Variants in RBFOX1 observed in about 807,000 individuals in gnomAD.
The protein encoded by RBFOX1 is RNA binding protein fox-1 homolog 1.
In RBFOX1, 8 loss-of-function variants were observed where a neutral mutation model predicts 57.7. That is an observed-to-expected ratio of 0.14 (90% CI 0.08 to 0.25). RBFOX1 has a LOEUF of 0.25. Among genes scored for constraint, RBFOX1 ranks in the 10% least tolerant of loss-of-function variants. RBFOX1 has a pLI of 1.00. For missense variants in RBFOX1, 611 were observed against 548.5 expected (o/e 1.11, Z -1.14); for synonymous variants, 326 against 222.4 (o/e 1.47, Z -4.15).
chr16:5,937,030 C>T (rs1243126370), intron 4 of RBFOX1, among the ~76,000 whole-genome samples: 2 of 152,162 alleles, frequency 1.3e-5, no homozygotes, highest in Non-Finnish European at 2.9e-5. Flanking sequence ...TTAGTTTTCT[C>T]ATCTGTCAAA....
At chr16:7,172,219 T>C (rs1406734181) in intron 4 of RBFOX1, among the ~76,000 whole-genome samples, 1 of 152,166 alleles carries the variant, frequency 6.6e-6, no homozygotes, top group Non-Finnish European at 1.5e-5. Context: ...TTATATTACC[T>C]AAAATCCACA....
At position 6,658,945 on chromosome 16, in the gene RBFOX1, G is replaced by GTTTTTTTTTTTTT. The variant is rs778640073; in HGVS notation, c.-16+4306_-16+4307insTTTTTTTTTTTTT. ...GTTTTTTGGTTTTTTTGTTTTTTTT[G>GTTTTTTTTTTTTT]TTTTTTTTTTTCCTCCTGCAGGTGA... On this transcript the variant is annotated intron_variant, in intron 3 of 15. Coordinates refer to ENST00000550418, the MANE Select transcript of RBFOX1 (RefSeq NM_018723.4). Among the ~76,000 whole-genome samples, 5 of 139,444 alleles carry GTTTTTTTTTTTTT rather than the reference G, an allele frequency of 3.6e-5. 1 individual carries two copies. The highest frequency in any genetic ancestry group is 7.8e-5 in the Non-Finnish European group (5 of 64,168). The allele number at this position is 139,444 out of a possible 152,430, so 91.5% of individuals were successfully genotyped here.
intron 3 of RBFOX1, among the ~76,000 whole-genome samples, chr16:6,678,921 G>C (rs1450240778): frequency 6.6e-6 from 1 of 152,100 alleles, no homozygotes; most frequent in African/African-American, 2.4e-5. Flanking sequence ...AAGCCATTTG[G>C]GGTGGCACAT....
At chr16:7,360,363 G>A (rs2097298179) in intron 4 of RBFOX1, among the ~76,000 whole-genome samples, 1 of 152,196 alleles carries the variant, frequency 6.6e-6, no homozygotes, top group African/African-American at 2.4e-5. Flanking sequence ...TGGCTCTGCT[G>A]CTTCATATGT....
intron 4 of RBFOX1, among the ~76,000 whole-genome samples, chr16:7,136,954 G>A (rs2072191205): frequency 6.6e-6 from 1 of 152,116 alleles, no homozygotes; most frequent in Non-Finnish European, 1.5e-5. Flanking sequence ...ATGGCCCATG[G>A]GCCAGGACTG....
intron 4 of RBFOX1, among the ~76,000 whole-genome samples, chr16:7,101,629 A>G (rs1025092905): frequency 1.3e-5 from 2 of 152,184 alleles, no homozygotes; most frequent in Non-Finnish European, 2.9e-5. Flanking sequence ...GGTTACTAGC[A>G]GGTTATTCAA....
chr16:6,891,662 A>G (rs1783266879), intron 3 of RBFOX1, among the ~76,000 whole-genome samples: 1 of 152,230 alleles, frequency 6.6e-6, no homozygotes. Flanking sequence ...AGTTTCAACA[A>G]ATTGTTAATG....
chr16:7,200,377 C>G (rs958071199), intron 4 of RBFOX1, among the ~76,000 whole-genome samples: 3 of 152,190 alleles, frequency 2.0e-5, no homozygotes, highest in Admixed American at 6.5e-5. Context: ...GCATGTGCAT[C>G]GTTAAGTATC....
intron 4 of RBFOX1, among the ~76,000 whole-genome samples, chr16:7,283,099 C>T (rs2095579821): frequency 6.6e-6 from 1 of 152,008 alleles, no homozygotes; most frequent in Admixed American, 6.6e-5. Context: ...GACTTTTTTT[C>T]CTCTGGGTAG....
intron 3 of RBFOX1, among the ~76,000 whole-genome samples, chr16:5,611,703 C>CCA (rs2047795651): frequency 8.7e-6 from 1 of 114,312 alleles, no homozygotes; most frequent in Non-Finnish European, 2.0e-5. Flanking sequence ...CCCACCCACT[C>CCA]TCCCATCCAT....
In RBFOX1 at chr16:7,388,475, C is replaced by G. The variant is rs80052141; in HGVS notation, c.28-129672C>G. Among the ~76,000 whole-genome samples the G allele has an allele frequency of 3.5e-3, 535 of 152,158 alleles. 6 individuals carry two copies. Among genetic ancestry groups the G allele is most frequent in the African/African-American group, 0.012 (508 of 41,500 alleles). On this transcript the variant is annotated intron_variant, in intron 4 of 15. Transcript: ENST00000550418. Reference sequence around the variant, plus strand: ...AATATGGATTTAAATTCTACTCCTCCTTTTTATCATCTCTCTGCCCGGGAT... The same window carrying G: ...AATATGGATTTAAATTCTACTCCTCGTTTTTATCATCTCTCTGCCCGGGAT...
intron 3 of RBFOX1, among the ~76,000 whole-genome samples, chr16:6,661,882 G>A (rs931503024): frequency 6.6e-6 from 1 of 152,138 alleles, no homozygotes; most frequent in Non-Finnish European, 1.5e-5. Flanking sequence ...GTGCATAATG[G>A]CTATAAGGAT....
intron 4 of RBFOX1, among the ~76,000 whole-genome samples, chr16:7,397,816 T>G (rs777400814): frequency 1.3e-5 from 2 of 152,180 alleles, no homozygotes; most frequent in African/African-American, 4.8e-5. Context: ...GTTCAAGTCT[T>G]GTCCACGTCC....
chr16:6,565,079 A>G (rs2097240833), intron 2 of RBFOX1, among the ~76,000 whole-genome samples: 1 of 149,328 alleles, frequency 6.7e-6, no homozygotes, highest in Non-Finnish European at 1.5e-5. Context: ...TGTAGTGAGC[A>G]GAGATTGCAT....
chr16:5,999,898 AAAAAAAAAAGAGT>A (rs1410430927), intron 4 of RBFOX1, among the ~76,000 whole-genome samples: 2 of 57,700 alleles, frequency 3.5e-5, no homozygotes, highest in South Asian at 6.1e-4. Context: ...AAAAAAAAAA[AAAAAAAAAAGAGT>A]GAAGAAGGGA....
At chr16:7,671,346 C>T (rs1378456876) in intron 13 of RBFOX1, among the ~76,000 whole-genome samples, 1 of 152,182 alleles carries the variant, frequency 6.6e-6, no homozygotes, top group Non-Finnish European at 1.5e-5. Flanking sequence ...CCCATCTCCA[C>T]CTTGATACTC....
chr16:6,796,412 C>G (rs1375814617), intron 3 of RBFOX1, among the ~76,000 whole-genome samples: 1 of 152,042 alleles, frequency 6.6e-6, no homozygotes, highest in East Asian at 1.9e-4. Context: ...AAACTTGAGC[C>G]CGATTCCTTA....
At chr16:6,986,180 C>T (rs371661440) in intron 3 of RBFOX1, among the ~76,000 whole-genome samples, 44 of 72,656 alleles carry the variant, frequency 6.1e-4, no homozygotes, top group African/African-American at 2.2e-3. Context: ...TCACCAATTT[C>T]TATTTTTATT....
chr16:5,565,829 G>A (rs780197823), intron 2 of RBFOX1, among the ~76,000 whole-genome samples: 1 of 151,918 alleles, frequency 6.6e-6, no homozygotes, highest in Non-Finnish European at 1.5e-5. Flanking sequence ...GGCTCCTAAG[G>A]GTAGGTGGGT....
Sources: gnomAD v4.1 joint callset for allele counts (sites outside exome capture counted in the v4.1 genomes callset) on GRCh38, gnomAD v4.1.1 for gene constraint, MANE v1.5 for transcripts, NCBI Gene and HGNC (gene_info 2026-07-23, HGNC 2026-07-21) for gene names.